Variants in PDE8A observed in about 807,000 individuals in gnomAD.
PDE8A encodes phosphodiesterase 8A, also known as high affinity cAMP-specific and IBMX-insensitive 3',5'-cyclic phosphodiesterase 8A.
In PDE8A, 59 loss-of-function variants were observed where a neutral mutation model predicts 105.0. The observed-to-expected ratio is 0.56, with a 90% confidence interval of 0.46 to 0.70. PDE8A has a LOEUF of 0.70. Among genes scored for constraint, PDE8A ranks in the 30% least tolerant of loss-of-function variants. The probability of loss-of-function intolerance (pLI) is 0.00; values close to 1 mark genes in which losing one functional copy is unlikely to be tolerated. For synonymous variants in PDE8A, 355 were observed against 371.9 expected (o/e 0.95, Z 0.52); for missense variants, 1,014 against 1,045.9 (o/e 0.97, Z 0.42).
intron 1 of PDE8A, among the ~76,000 whole-genome samples, chr15:85,034,302 G>A (rs1023083931): frequency 2.6e-5 from 4 of 152,048 alleles, no homozygotes; most frequent in African/African-American, 4.8e-5. Context: ...GAATATTCTC[G>A]TGAACGCTTC....
At chr15:85,130,541 C>G (rs976212673) in intron 20 of PDE8A, among the ~76,000 whole-genome samples, 6 of 152,148 alleles carry the variant, frequency 3.9e-5, no homozygotes, top group African/African-American at 1.4e-4. Context: ...AATGTATACT[C>G]TACTGTTGTT....
At chr15:85,012,344 T>C (rs889521914) in intron 1 of PDE8A, among the ~76,000 whole-genome samples, 1 of 152,108 alleles carries the variant, frequency 6.6e-6, no homozygotes, top group African/African-American at 2.4e-5. Context: ...GTGGCACATA[T>C]ACACCATGGA....
At chr15:85,020,380 G>C (rs1443893339) in intron 1 of PDE8A, among the ~76,000 whole-genome samples, 1 of 152,130 alleles carries the variant, frequency 6.6e-6, no homozygotes, top group Non-Finnish European at 1.5e-5. Context: ...AAGGCGGGTG[G>C]ATTACCTGAG....
At chr15:85,053,802 C>G (rs1048627108) in intron 1 of PDE8A, among the ~76,000 whole-genome samples, 1 of 151,624 alleles carries the variant, frequency 6.6e-6, no homozygotes, top group Non-Finnish European at 1.5e-5. Flanking sequence ...AATTGAATAC[C>G]CTCTATTTCT....
At chr15:85,001,226 G>T (rs1465341008) in intron 1 of PDE8A, among the ~76,000 whole-genome samples, 1 of 152,116 alleles carries the variant, frequency 6.6e-6, no homozygotes, top group Non-Finnish European at 1.5e-5. Flanking sequence ...TGCTCCGCAA[G>T]AATTTCTTCC....
At chr15:85,119,725 T>A (rs1200708272) in intron 17 of PDE8A, among the ~76,000 whole-genome samples, 1 of 152,058 alleles carries the variant, frequency 6.6e-6, no homozygotes, top group East Asian at 1.9e-4. Context: ...ATGGTTAAAT[T>A]TAAAATATCA....
At chr15:85,129,508 G>T (rs946818566) in intron 20 of PDE8A, among the ~76,000 whole-genome samples, 1 of 152,124 alleles carries the variant, frequency 6.6e-6, no homozygotes. Flanking sequence ...GCATTCAGTT[G>T]TTCATGGTAC....
intron 1 of PDE8A, among the ~76,000 whole-genome samples, chr15:84,986,399 C>T (rs1009987828): frequency 6.6e-6 from 1 of 152,074 alleles, no homozygotes; most frequent in African/African-American, 2.4e-5. Flanking sequence ...TCATTCACTT[C>T]CTTCAACCTC....
At chr15:85,055,849 T>C (rs28871662) in intron 1 of PDE8A, among the ~76,000 whole-genome samples, 83,263 of 149,964 alleles carry the variant, frequency 0.56, 24,380 homozygotes, top group African/African-American at 0.79. Context: ...GATCCTGTCA[T>C]TATGATGTTA....
intron 1 of PDE8A, among the ~76,000 whole-genome samples, chr15:85,056,904 G>T (rs2081069095): frequency 1.3e-5 from 2 of 152,192 alleles, no homozygotes; most frequent in Admixed American, 6.5e-5. Context: ...CCGATTTTTA[G>T]AATGTTCAGC....
intron 1 of PDE8A, among the ~76,000 whole-genome samples, chr15:85,016,225 CT>C (rs993148076): frequency 2.6e-5 from 4 of 152,172 alleles, no homozygotes; most frequent in African/African-American, 9.7e-5. Context: ...AATATTTCCC[CT>C]AATATCTTCT....
intron 1 of PDE8A, among the ~76,000 whole-genome samples, chr15:85,052,326 G>C (rs2080989237): frequency 6.6e-6 from 1 of 152,162 alleles, no homozygotes; most frequent in Non-Finnish European, 1.5e-5. Flanking sequence ...ATAATCCTTT[G>C]GGTATATACC....
intron 5 of PDE8A, among the ~76,000 whole-genome samples, chr15:85,077,559 G>T (rs138514642): frequency 6.6e-6 from 1 of 152,146 alleles, no homozygotes; most frequent in East Asian, 1.9e-4. Flanking sequence ...ATCTTTGCCC[G>T]CAGAGGATCT....
intron 3 of PDE8A, among the ~76,000 whole-genome samples, chr15:85,070,527 A>G (rs1268700471): frequency 6.6e-6 from 1 of 152,188 alleles, no homozygotes; most frequent in East Asian, 1.9e-4. Flanking sequence ...GCTTCGCAAG[A>G]GGATACTTGA....
intron 8 of PDE8A, among the ~76,000 whole-genome samples, chr15:85,092,120 T>C (rs1336993581): frequency 6.6e-6 from 1 of 152,044 alleles, no homozygotes; most frequent in Non-Finnish European, 1.5e-5. Flanking sequence ...TATACTCCGC[T>C]CATCTTGGAC....
chr15:85,127,837 C>A (rs1236713042), intron 20 of PDE8A, among the ~76,000 whole-genome samples: 1 of 151,868 alleles, frequency 6.6e-6, no homozygotes, highest in Non-Finnish European at 1.5e-5. Context: ...TGAGAAGGAC[C>A]TTGAATAAGC....
In PDE8A at chr15:85,126,351, A is replaced by G. The variant is rs766944464; in HGVS notation, c.2230A>G (p.Ile744Val). The G allele has an allele frequency of 3.8e-6, 6 of 1,583,836 alleles. No homozygotes were observed. The highest frequency in any genetic ancestry group is 1.7e-4 in the Middle Eastern group (1 of 5,922). ...GTACTGCATCGAGTGGGCTGCACGC[A>G]TTTCGGAAGAATATTTTTCTCAGGT... ...LQYCIEWAARISEEYFSQTDE... is the reference protein window; with the variant it reads ...LQYCIEWAARVSEEYFSQTDE... The change falls in exon 20 of 22, where the codon ATT becomes GTT. Residue 744 changes from isoleucine (I) to valine (V), a missense_variant. Physicochemically the swap from Ile to Val is conservative, Grantham distance 29 (BLOSUM62 3). Coordinates refer to ENST00000394553, the MANE Select transcript of PDE8A (RefSeq NM_002605.3).
At chr15:85,049,152 C>A (rs567041401) in intron 1 of PDE8A, among the ~76,000 whole-genome samples, 1 of 152,136 alleles carries the variant, frequency 6.6e-6, no homozygotes, top group South Asian at 2.1e-4. Context: ...GACCAGATGT[C>A]TCCTTTTTTC....
intron 1 of PDE8A, among the ~76,000 whole-genome samples, chr15:85,051,420 G>C (rs1236306077): frequency 6.6e-6 from 1 of 152,108 alleles, no homozygotes; most frequent in East Asian, 1.9e-4. Context: ...GATGTTTGCT[G>C]TGGGTTTTGT....
Sources: allele counts gnomAD v4.1 joint callset (sites outside exome capture counted in the v4.1 genomes callset), GRCh38; gene constraint gnomAD v4.1.1; transcripts MANE v1.5; gene names NCBI Gene and HGNC (gene_info 2026-07-23, HGNC 2026-07-21).